CACNB2: variants seen among roughly 807,000 people sequenced by gnomAD.
The protein encoded by CACNB2 is calcium voltage-gated channel auxiliary subunit beta 2.
A neutral mutation model predicts 73.3 loss-of-function variants in CACNB2; 42 were observed. The observed-to-expected ratio is 0.57, with a 90% confidence interval of 0.45 to 0.74. The LOEUF (loss-of-function observed/expected upper bound fraction) is 0.74. Ranked by LOEUF, CACNB2 falls within the 30% of genes least tolerant of loss-of-function variation. The pLI is 0.00. For missense variants in CACNB2, 940 were observed against 853.0 expected (o/e 1.10, Z -1.27); for synonymous variants, 348 against 310.3 (o/e 1.12, Z -1.28).
At chr10:18,145,678 C>A (rs909660377) in intron 1 of CACNB2, among the ~76,000 whole-genome samples, 1 of 152,164 alleles carries the variant, frequency 6.6e-6, no homozygotes, top group Non-Finnish European at 1.5e-5. Context: ...TGGTGATACT[C>A]TACAATTTTG....
At chr10:18,246,831 C>T (rs756438549) in intron 2 of CACNB2, among the ~76,000 whole-genome samples, 6 of 152,102 alleles carry the variant, frequency 3.9e-5, no homozygotes, top group Admixed American at 1.3e-4. Flanking sequence ...AGGCTGTTCT[C>T]GAACTCCTGG....
At chr10:18,453,559 CCT>C (rs550643118) in intron 3 of CACNB2, among the ~76,000 whole-genome samples, 95 of 152,326 alleles carry the variant, frequency 6.2e-4, no homozygotes, top group African/African-American at 2.1e-3. Flanking sequence ...CTCGTATCAC[CCT>C]GTTTATTTCC....
chr10:18,484,379 G>A (rs1296325074), intron 3 of CACNB2, among the ~76,000 whole-genome samples: 1 of 150,194 alleles, frequency 6.7e-6, no homozygotes, highest in Non-Finnish European at 1.5e-5. Context: ...GGGTGACAGA[G>A]CCAGACTCTG....
chr10:18,215,438 C>G (rs976148765), intron 2 of CACNB2, among the ~76,000 whole-genome samples: 3 of 152,106 alleles, frequency 2.0e-5, no homozygotes, highest in Non-Finnish European at 4.4e-5. Flanking sequence ...TGGGACCAAT[C>G]TGAGGATTTG....
chr10:18,278,079 A>G (rs2038376144), intron 2 of CACNB2, among the ~76,000 whole-genome samples: 1 of 152,230 alleles, frequency 6.6e-6, no homozygotes, highest in Admixed American at 6.5e-5. Context: ...AGTTACAAGG[A>G]AAATATTGTC....
intron 3 of CACNB2, among the ~76,000 whole-genome samples, chr10:18,492,635 AAAAGAAAAAAAG>A (rs2049518338): frequency 7.7e-6 from 1 of 129,686 alleles, no homozygotes; most frequent in African/African-American, 4.0e-5. Flanking sequence ...AAAAAAAAAA[AAAAGAAAAAAAG>A]AAAAGAAAAG....
Position 18,539,963 on chromosome 10 carries a change from A to ACTC in CACNB2, c.*240_*242dup. On this transcript the variant is annotated 3_prime_UTR_variant, in exon 14 of 14. Transcript: ENST00000324631. Reference sequence around the variant, plus strand: ...CTGCAGTCCTCCGGTTGCATACTGGACTCTTCAAAAACTGTTTTGGGTAGC... The same window carrying ACTC: ...CTGCAGTCCTCCGGTTGCATACTGGACTCCTCTTCAAAAACTGTTTTGGGTAGC... The ACTC allele has an allele frequency of 2.2e-6, 1 of 452,334 alleles. No individual in the cohort carries two copies. The allele number at this position is 452,334 out of a possible 1,614,324, so 28.0% of individuals were successfully genotyped here. A position where few individuals can be genotyped will look rare whatever the true frequency, so the allele number is the denominator to read the frequency against.
chr10:18,420,396 G>T (rs1436941587), intron 3 of CACNB2, among the ~76,000 whole-genome samples: 2 of 151,960 alleles, frequency 1.3e-5, no homozygotes, highest in Non-Finnish European at 2.9e-5. Flanking sequence ...CATGATTATG[G>T]AAGCTAAGAA....
intron 3 of CACNB2, among the ~76,000 whole-genome samples, chr10:18,418,785 C>T (rs2045151411): frequency 6.6e-6 from 1 of 152,112 alleles, no homozygotes; most frequent in African/African-American, 2.4e-5. Context: ...TATTTGACAC[C>T]AGTATCATGG....
chr10:18,475,130 G>A (rs1038174983), intron 3 of CACNB2, among the ~76,000 whole-genome samples: 1 of 151,182 alleles, frequency 6.6e-6, no homozygotes, highest in Non-Finnish European at 1.5e-5. Context: ...GGGAGAGGGT[G>A]CAGAACATCC....
intron 3 of CACNB2, among the ~76,000 whole-genome samples, chr10:18,487,660 C>A (rs890468922): frequency 2.0e-5 from 3 of 151,960 alleles, no homozygotes; most frequent in African/African-American, 7.2e-5. Flanking sequence ...CATAGTGAAA[C>A]CCTGTCTCTG....
chr10:18,539,765 C>CTT lies in CACNB2; in HGVS notation c.*42_*43dup. The CTT allele has an allele frequency of 6.7e-7, 1 of 1,500,674 alleles. No individual in the cohort carries two copies. The highest frequency in any genetic ancestry group is 1.2e-5 in the South Asian group (1 of 83,376). 93.0% of individuals were successfully genotyped at this position (1,500,674 alleles called of 1,614,324 possible). On this transcript the variant is annotated 3_prime_UTR_variant, in exon 14 of 14. Transcript: ENST00000324631. Reference sequence around the variant, plus strand: ...GTTTTTTTTTTTTTTTTTTTGAAGTCTTGTATAACTAACAGCATCCCCAAA... The same window carrying CTT: ...GTTTTTTTTTTTTTTTTTTTGAAGTCTTTTGTATAACTAACAGCATCCCCAAA...
chr10:18,295,055 AT>A (rs1429355300), intron 2 of CACNB2, among the ~76,000 whole-genome samples: 8 of 152,224 alleles, frequency 5.3e-5, no homozygotes, highest in Middle Eastern at 3.4e-3. Flanking sequence ...TGTTATTTTT[AT>A]TTTTTTACCG....
chr10:18,234,710 G>A (rs1446273426), intron 2 of CACNB2, among the ~76,000 whole-genome samples: 1 of 152,200 alleles, frequency 6.6e-6, no homozygotes, highest in Non-Finnish European at 1.5e-5. Context: ...CCCAGGGAAT[G>A]GAGAGAACGG....
rs141118740 is a variant in CACNB2, at chr10:18,360,381, C to G, written c.214-41543C>G. 1.8e-3 allele frequency among the ~76,000 whole-genome samples: 271 copies of G among 152,252 alleles called. 2 individuals are homozygous for G. Among genetic ancestry groups the G allele is most frequent in the African/African-American group, 5.8e-3 (239 of 41,552 alleles). On this transcript the variant is annotated intron_variant, in intron 2 of 13. Coordinates refer to ENST00000324631, the MANE Select transcript of CACNB2 (RefSeq NM_201596.3). ...TAGCTGGGACTACATGTGTGCACCA[C>G]TATACCTGGCTAATTTTGTTTTTTG... is the stretch of plus-strand genomic sequence containing the variant.
intron 6 of CACNB2, among the ~76,000 whole-genome samples, chr10:18,512,319 G>A (rs984115702): frequency 3.9e-5 from 6 of 152,074 alleles, no homozygotes; most frequent in Non-Finnish European, 7.4e-5. Context: ...GATTTCACTC[G>A]GATATCTTGG....
intron 7 of CACNB2, among the ~76,000 whole-genome samples, chr10:18,516,911 C>A (rs1218846380): frequency 6.6e-6 from 1 of 151,830 alleles, no homozygotes; most frequent in East Asian, 1.9e-4. Flanking sequence ...TGAAATTTGA[C>A]AGCACAGTCA....
chr10:18,421,552 A>T (rs1016226308), intron 3 of CACNB2, among the ~76,000 whole-genome samples: 36 of 152,110 alleles, frequency 2.4e-4, no homozygotes, highest in African/African-American at 8.7e-4. Context: ...CACCCACCTC[A>T]ACCTCCCAAA....
intron 2 of CACNB2, among the ~76,000 whole-genome samples, chr10:18,381,044 C>T (rs1486179879): frequency 6.6e-6 from 1 of 151,786 alleles, no homozygotes; most frequent in Non-Finnish European, 1.5e-5. Context: ...AGAATGACAG[C>T]AGCAGGTGTT....
Sources: gnomAD v4.1 joint callset for allele counts (sites outside exome capture counted in the v4.1 genomes callset) on GRCh38, gnomAD v4.1.1 for gene constraint, MANE v1.5 for transcripts, NCBI Gene and HGNC (gene_info 2026-07-23, HGNC 2026-07-21) for gene names.